CNTNAP2: variants seen among roughly 807,000 people sequenced by gnomAD.
CNTNAP2 encodes contactin-associated protein-like 2.
A neutral mutation model predicts 155.2 loss-of-function variants in CNTNAP2; 98 were observed. That is an observed-to-expected ratio of 0.63 (90% CI 0.54 to 0.75). The LOEUF is 0.75. Among genes scored for constraint, CNTNAP2 ranks in the 30% least tolerant of loss-of-function variants. The pLI, the probability that CNTNAP2 is intolerant of heterozygous loss-of-function variation, is 0.00. For synonymous variants in CNTNAP2, 651 were observed against 631.2 expected (o/e 1.03, Z -0.47); for missense variants, 1,727 against 1,688.1 (o/e 1.02, Z -0.40).
intron 1 of CNTNAP2, among the ~76,000 whole-genome samples, chr7:146,605,595 A>C (rs778899318): frequency 4.6e-5 from 7 of 152,186 alleles, no homozygotes; most frequent in Non-Finnish European, 8.8e-5. Context: ...TCTCATGAAT[A>C]TTTGAGGTTT....
At chr7:147,064,384 C>A (rs1799740497) in intron 4 of CNTNAP2, among the ~76,000 whole-genome samples, 1 of 152,134 alleles carries the variant, frequency 6.6e-6, no homozygotes, top group South Asian at 2.1e-4. Flanking sequence ...GCATATCCTA[C>A]CATAAAAACC....
At chr7:146,291,276 T>G (rs1800424204) in intron 1 of CNTNAP2, among the ~76,000 whole-genome samples, 1 of 152,176 alleles carries the variant, frequency 6.6e-6, no homozygotes, top group Non-Finnish European at 1.5e-5. Flanking sequence ...GCAAACTGTA[T>G]CTCATGGGCC....
At chr7:147,582,069 T>C (rs62481356) in intron 12 of CNTNAP2, among the ~76,000 whole-genome samples, 61,006 of 151,938 alleles carry the variant, frequency 0.4, 12,282 homozygotes, top group Admixed American at 0.44. Context: ...ACATTGTACT[T>C]TTAAAGAATT....
intron 1 of CNTNAP2, among the ~76,000 whole-genome samples, chr7:146,754,162 T>A (rs1801952256): frequency 6.6e-6 from 1 of 151,974 alleles, no homozygotes; most frequent in South Asian, 2.1e-4. Flanking sequence ...CAACCACCCA[T>A]GAAAGTTGCA....
chr7:146,547,825 G>A (rs752236467), intron 1 of CNTNAP2, among the ~76,000 whole-genome samples: 11 of 144,204 alleles, frequency 7.6e-5, no homozygotes, highest in Non-Finnish European at 1.1e-4. Context: ...AAATGCTCAC[G>A]GTGGAATTAC....
At chr7:147,209,588 C>T (rs1439679842) in intron 8 of CNTNAP2, among the ~76,000 whole-genome samples, 1 of 151,898 alleles carries the variant, frequency 6.6e-6, no homozygotes, top group African/African-American at 2.4e-5. Context: ...CATTCTCTTG[C>T]TTGATTGCTC....
At chr7:147,197,850 C>T (rs1802837202) in intron 8 of CNTNAP2, among the ~76,000 whole-genome samples, 1 of 152,126 alleles carries the variant, frequency 6.6e-6, no homozygotes, top group East Asian at 1.9e-4. Context: ...AGTATTCTTT[C>T]AGTAACTTTT....
At chr7:146,520,029 T>C (rs898776907) in intron 1 of CNTNAP2, among the ~76,000 whole-genome samples, 1 of 151,704 alleles carries the variant, frequency 6.6e-6, no homozygotes, top group Admixed American at 6.6e-5. Flanking sequence ...GCTCTTTTCT[T>C]AGAGACTTAG....
In CNTNAP2 at chr7:148,069,655, G is replaced by C. The variant is rs552860231; in HGVS notation, c.2384-48463G>C. On this transcript the variant is annotated intron_variant, in intron 15 of 23. Coordinates refer to ENST00000361727, the MANE Select transcript of CNTNAP2 (RefSeq NM_014141.6). ...GGCGCCTGTAGTCCCAGCTACTCGG[G>C]AGGCTGAGACAGGAGAATGGCGTGA... Among the ~76,000 whole-genome samples, 170 of 151,822 alleles carry C rather than the reference G, an allele frequency of 1.1e-3. 1 individual carries two copies. The highest frequency in any genetic ancestry group is 4.0e-3 in the African/African-American group (166 of 41,378).
At chr7:146,971,896 C>A (rs771274338) in intron 3 of CNTNAP2, among the ~76,000 whole-genome samples, 2 of 152,174 alleles carry the variant, frequency 1.3e-5, no homozygotes, top group Non-Finnish European at 2.9e-5. Context: ...GCTTATCTAA[C>A]GCTCTGTTTT....
chr7:147,500,347 C>T (rs1180269208), intron 11 of CNTNAP2, among the ~76,000 whole-genome samples: 1 of 151,912 alleles, frequency 6.6e-6, no homozygotes, highest in Non-Finnish European at 1.5e-5. Context: ...AAACCATGAA[C>T]AGTATAAACA....
intron 2 of CNTNAP2, among the ~76,000 whole-genome samples, chr7:146,823,942 A>G (rs1803348498): frequency 6.6e-6 from 1 of 152,042 alleles, no homozygotes; most frequent in South Asian, 2.1e-4. Context: ...ACATAGGTAC[A>G]TGTGCCATGG....
chr7:146,625,120 T>A (rs1554458222), intron 1 of CNTNAP2, among the ~76,000 whole-genome samples: 1 of 152,010 alleles, frequency 6.6e-6, no homozygotes, highest in Non-Finnish European at 1.5e-5. Context: ...ATTATAAGGC[T>A]GCTTTAATAT....
intron 14 of CNTNAP2, among the ~76,000 whole-genome samples, chr7:147,912,996 T>G (rs1445770557): frequency 6.6e-6 from 1 of 152,216 alleles, no homozygotes; most frequent in Non-Finnish European, 1.5e-5. Context: ...ACGCCTCCTG[T>G]AGGACAACAG....
At chr7:147,297,762 T>C (rs928865217) in intron 8 of CNTNAP2, among the ~76,000 whole-genome samples, 1 of 151,056 alleles carries the variant, frequency 6.6e-6, no homozygotes, top group African/African-American at 2.4e-5. Flanking sequence ...AGACTGTTAG[T>C]GCAAAGAGTG....
In CNTNAP2 at chr7:148,365,706, T is replaced by G. The variant is rs561728684; in HGVS notation, c.3476-17943T>G. ...TATATATATGTATATATGTATACTTTTATATATATGTATACGTGTATATAT... is the reference window on the plus strand; with the variant it reads ...TATATATATGTATATATGTATACTTGTATATATATGTATACGTGTATATAT... On this transcript the variant is annotated intron_variant, in intron 21 of 23. Coordinates refer to ENST00000361727, the MANE Select transcript of CNTNAP2 (RefSeq NM_014141.6). 8.5e-3 allele frequency among the ~76,000 whole-genome samples: 465 copies of G among 54,686 alleles called. 39 individuals are homozygous for G. The highest frequency in any genetic ancestry group is 0.021 in the African/African-American group (379 of 18,046). 35.9% of individuals were successfully genotyped at this position (54,686 alleles called of 152,430 possible). A position where few individuals can be genotyped will look rare whatever the true frequency, so the allele number is the denominator to read the frequency against.
chr7:147,779,277 A>G (rs1797631519), intron 13 of CNTNAP2, among the ~76,000 whole-genome samples: 1 of 152,246 alleles, frequency 6.6e-6, no homozygotes, highest in South Asian at 2.1e-4. Context: ...ATGGGCATCA[A>G]CTAAGGATTG....
Position 147,163,717 on chromosome 7 carries a change from TATAA to T in CNTNAP2, c.1348+31213_1348+31216del, listed in dbSNP as rs1296915560. Reference sequence around the variant, plus strand: ...CACAAGTTAGGTGTGAAGAAATTTCTATAAATAAGTATGTACCATATCAATGAAA... The same window carrying T: ...CACAAGTTAGGTGTGAAGAAATTTCTATAAGTATGTACCATATCAATGAAA... On this transcript the variant is annotated intron_variant, in intron 8 of 23. Transcript: ENST00000361727. Among the ~76,000 whole-genome samples the T allele has an allele frequency of 1.3e-5, 2 of 152,220 alleles. 1 individual carries two copies. The highest frequency in any genetic ancestry group is 3.8e-4 in the East Asian group (2 of 5,196).
chr7:146,343,769 T>A (rs1794771242), intron 1 of CNTNAP2, among the ~76,000 whole-genome samples: 1 of 152,152 alleles, frequency 6.6e-6, no homozygotes, highest in African/African-American at 2.4e-5. Context: ...TTATTGCTTA[T>A]TTTTTAATAG....
Sources: gnomAD v4.1 joint callset for allele counts (sites outside exome capture counted in the v4.1 genomes callset) on GRCh38, gnomAD v4.1.1 for gene constraint, MANE v1.5 for transcripts, NCBI Gene and HGNC (gene_info 2026-07-23, HGNC 2026-07-21) for gene names.